SH3BP2: variants seen among roughly 807,000 people sequenced by gnomAD.
SH3BP2 encodes SH3 domain-binding protein 2.
A neutral mutation model predicts 56.2 loss-of-function variants in SH3BP2; 38 were observed. The ratio of observed to expected loss-of-function variants is 0.68; its 90% CI spans 0.52 to 0.89. The LOEUF (loss-of-function observed/expected upper bound fraction) is 0.89, where lower values mean the gene tolerates loss of function less well. Ranked by LOEUF, SH3BP2 falls within the 40% of genes least tolerant of loss-of-function variation. The pLI is 0.00. For missense variants in SH3BP2, 748 were observed against 762.6 expected, an observed-to-expected ratio of 0.98 and a Z score of 0.23; for synonymous variants, 346 against 316.7, an observed-to-expected ratio of 1.09 and a Z score of -0.98.
chr4:2,823,099 A>G (rs1724398515), intron 3 of SH3BP2, 62 bp downstream of exon 3: 9 of 1,215,076 alleles, frequency 7.4e-6, no homozygotes, highest in East Asian at 2.4e-5. Flanking sequence ...CTCCCAGCAG[A>G]GCCCCAGCTG....
intron 12 of SH3BP2, 103 bp from the exon 13 acceptor site, chr4:2,833,594 C>A: frequency 6.8e-7 from 1 of 1,468,416 alleles, no homozygotes; most frequent in Non-Finnish European, 9.3e-7. Flanking sequence ...CCTGGTGATG[C>A]CGCTGTTGAT....
intron 1 of SH3BP2, chr4:2,818,749 A>T: frequency 1.0e-6 from 1 of 988,476 alleles, no homozygotes; most frequent in South Asian, 4.7e-5. Flanking sequence ...TGCGGCTGGG[A>T]CCCGCCCCTG....
intron 12 of SH3BP2, 143 bp from the exon 13 acceptor site, chr4:2,833,554 T>C: frequency 9.4e-7 from 1 of 1,062,270 alleles, no homozygotes; most frequent in Non-Finnish European, 1.4e-6. Flanking sequence ...GGAGGCCACC[T>C]TGGGGGCACC....
intron 8 of SH3BP2, among the ~76,000 whole-genome samples, chr4:2,830,560 A>C (rs775655347): frequency 4.6e-5 from 7 of 152,132 alleles, no homozygotes; most frequent in Non-Finnish European, 8.8e-5. Flanking sequence ...CAGGGGTTTC[A>C]CTATGTTGGC....
chr4:2,840,668 T>C lies in SH3BP2; in HGVS notation c.*6834T>C, dbSNP rs1725392380. 6.6e-6 allele frequency: 1 copy of C among 152,248 alleles called. No individual in the cohort carries two copies. The highest frequency in any genetic ancestry group is 6.5e-5 in the Admixed American group (1 of 15,286). 9.4% of individuals were successfully genotyped at this position (152,248 alleles called of 1,614,324 possible). On this transcript the variant is annotated 3_prime_UTR_variant, in exon 13 of 13. Coordinates refer to ENST00000503393, the MANE Select transcript of SH3BP2 (RefSeq NM_001122681.2). The stretch of plus-strand genomic sequence containing the variant: ...TTCTTCTTTGAGAGTGTCTTGACTA[T>C]TCTGGCTCTTTGTATTTTCATGTAA...
In SH3BP2 at chr4:2,836,883, G is replaced by A. The variant is rs1300225732; in HGVS notation, c.*3049G>A. 1 of 152,256 alleles carries A rather than the reference G, an allele frequency of 6.6e-6. No homozygotes were observed. The highest frequency in any genetic ancestry group is 2.4e-5 in the African/African-American group (1 of 41,460). 9.4% of individuals were successfully genotyped at this position (152,256 alleles called of 1,614,324 possible). A position where few individuals can be genotyped will look rare whatever the true frequency, so the allele number is the denominator to read the frequency against. ...ACTGACATACCTACCTTCAAGATGA[G>A]TTCAGGTGGGCTCAGTTCTGGGGCT... is the stretch of plus-strand genomic sequence containing the variant. On this transcript the variant is annotated 3_prime_UTR_variant, in exon 13 of 13. Coordinates refer to ENST00000503393, the MANE Select transcript of SH3BP2 (RefSeq NM_001122681.2).
At chr4:2,812,124 G>A (rs1723773797) in intron 1 of SH3BP2, 2 of 1,337,122 alleles carry the variant, frequency 1.5e-6, no homozygotes, top group Non-Finnish European at 9.8e-7. Context: ...AGCAGTGGAA[G>A]GTAGGAGTTA....
intron 5 of SH3BP2, among the ~76,000 whole-genome samples, chr4:2,825,562 G>T (rs967589877): frequency 6.6e-6 from 1 of 151,398 alleles, no homozygotes; most frequent in African/African-American, 2.4e-5. Flanking sequence ...ACGCAGACAT[G>T]CACACACAAA....
chr4:2,839,407 C>T lies in SH3BP2; in HGVS notation c.*5573C>T, dbSNP rs573880124. 4 of 152,038 alleles carry T rather than the reference C, an allele frequency of 2.6e-5. No individual in the cohort carries two copies. Among genetic ancestry groups the T allele is most frequent in the Admixed American group, 1.3e-4 (2 of 15,256 alleles). The allele number at this position is 152,038 out of a possible 1,614,324, so 9.4% of individuals were successfully genotyped here. On this transcript the variant is annotated 3_prime_UTR_variant, in exon 13 of 13. Transcript: ENST00000503393. ...CTGCTCTCAAACTCTTGAGCTCAAGCGATCTGCTGGCCTCAGCCTCCCAAA... is the reference window on the plus strand; with the variant it reads ...CTGCTCTCAAACTCTTGAGCTCAAGTGATCTGCTGGCCTCAGCCTCCCAAA...
intron 1 of SH3BP2, among the ~76,000 whole-genome samples, chr4:2,816,266 C>A (rs1723993646): frequency 6.6e-6 from 1 of 152,194 alleles, no homozygotes; most frequent in South Asian, 2.1e-4. Flanking sequence ...GTCTCGAACT[C>A]CTGACCTCAG....
At chr4:2,799,798 C>T (rs1317460872) in intron 1 of SH3BP2, among the ~76,000 whole-genome samples, 3 of 152,206 alleles carry the variant, frequency 2.0e-5, no homozygotes, top group African/African-American at 2.4e-5. Flanking sequence ...ACGGATCCCC[C>T]CGGGGGGGCC....
At chr4:2,800,517 G>A (rs765738030) in intron 1 of SH3BP2, among the ~76,000 whole-genome samples, 11 of 151,572 alleles carry the variant, frequency 7.3e-5, no homozygotes, top group South Asian at 2.1e-4. Flanking sequence ...ACTGCCACCC[G>A]AGCAGTACGT....
At chr4:2,794,122 G>C (rs1722986167) in intron 1 of SH3BP2, 1 of 152,538 alleles carries the variant, frequency 6.6e-6, no homozygotes, top group Non-Finnish European at 1.5e-5. Flanking sequence ...GGGCTGCTGG[G>C]GTGGACAGCC....
At chr4:2,814,014 A>G (rs150158250) in intron 1 of SH3BP2, among the ~76,000 whole-genome samples, 5 of 152,200 alleles carry the variant, frequency 3.3e-5, no homozygotes, top group African/African-American at 1.2e-4. Flanking sequence ...CACCACTAAC[A>G]GTAAGTCCTT....
In SH3BP2 at chr4:2,830,020, G is replaced by A; in HGVS notation, c.1114G>A (p.Ala372Thr). ...TGAAGAGGACCCCCCAAGGGAGGCA[G>A]CCATGCCCGGACTCTTTGTGCCCCC... is the stretch of plus-strand genomic sequence containing the variant. ...IAEEDPPREAAMPGLFVPPVA... is the reference protein window; with the variant it reads ...IAEEDPPREATMPGLFVPPVA... The change falls in exon 8 of 13, where the codon GCC (alanine) becomes ACC (threonine). Residue 372 changes from alanine to threonine, a missense_variant. Physicochemically the swap from Ala to Thr is moderately conservative, Grantham distance 58. Around this residue, in one of 3 missense-constraint regions of SH3BP2, gnomAD observed 635 missense variants for 615.0 expected, o/e 1.03. Transcript: ENST00000503393. 6.2e-7 allele frequency: 1 copy of A among 1,612,988 alleles called. No individual in the cohort carries two copies. Among genetic ancestry groups the A allele is most frequent in the Middle Eastern group, 1.6e-4 (1 of 6,062 alleles).
At chr4:2,818,107 G>A (rs1302783240) in intron 1 of SH3BP2, 13 of 608,054 alleles carry the variant, frequency 2.1e-5, no homozygotes, top group Non-Finnish European at 2.7e-5. Context: ...TGCCTCCCGC[G>A]CACGGTGACG....
intron 1 of SH3BP2, chr4:2,812,131 G>A: frequency 7.2e-7 from 1 of 1,383,242 alleles, no homozygotes; most frequent in Non-Finnish European, 9.4e-7. Flanking sequence ...GAAGGTAGGA[G>A]TTAAAACCCG....
chr4:2,824,114 G>C (rs1324040939), intron 3 of SH3BP2, among the ~76,000 whole-genome samples: 2 of 152,176 alleles, frequency 1.3e-5, no homozygotes, highest in Non-Finnish European at 2.9e-5. Context: ...CACCTGCCCC[G>C]GTGCCTGGCT....
At position 2,799,000 on chromosome 4, in the gene SH3BP2, G is replaced by A. The variant is rs527422582; in HGVS notation, c.-5+5862G>A. On this transcript the variant is annotated intron_variant, in intron 1 of 12. Coordinates refer to ENST00000503393, the MANE Select transcript of SH3BP2 (RefSeq NM_001122681.2). ...GCCCCCCAGGAGCTGCACGCAGCAC[G>A]GGGCCTGGGAAACTCCAAAGCCGGC... is the stretch of plus-strand genomic sequence containing the variant. 9.4e-5 allele frequency: 93 copies of A among 985,650 alleles called. No individual in the cohort carries two copies. The South Asian group carries it at 3.2e-3, about 34-fold the overall frequency. 61.1% of individuals were successfully genotyped at this position (985,650 alleles called of 1,614,324 possible).
Sources: allele counts gnomAD v4.1 joint callset (sites outside exome capture counted in the v4.1 genomes callset), GRCh38; gene constraint gnomAD v4.1.1; regional missense constraint gnomAD v4.1.1; transcripts MANE v1.5; gene names NCBI Gene and HGNC (gene_info 2026-07-23, HGNC 2026-07-21).